Variants in TOGARAM1 observed in about 807,000 individuals in gnomAD.
TOGARAM1 encodes the protein TOG array regulator of axonemal microtubules 1, also known as TOG array regulator of axonemal microtubules protein 1.
A neutral mutation model predicts 166.6 loss-of-function variants in TOGARAM1; 100 were observed. The observed-to-expected ratio is 0.60, with a 90% CI of 0.51 to 0.71. The LOEUF (loss-of-function observed/expected upper bound fraction) is 0.71, where lower values mean the gene tolerates loss of function less well. TOGARAM1 is among the 30% of genes least tolerant of loss of function. The pLI is 0.00. For synonymous variants in TOGARAM1, 758 were observed against 763.8 expected (o/e 0.99, Z 0.13); for missense variants, 2,029 against 2,102.7 (o/e 0.96, Z 0.69).
rs1885213141 is a variant in TOGARAM1, at chr14:44,962,521, G to C, written c.100G>C (p.Asp34His). The C allele has an allele frequency of 5.0e-6, 8 of 1,613,310 alleles. No homozygotes were observed. The highest frequency in any genetic ancestry group is 1.7e-5 in the Admixed American group (1 of 59,962). Residue 34 changes from aspartate to histidine, a missense_variant, in exon 1 of 20, where the codon GAT becomes CAT. Physicochemically the swap from Asp to His is moderately conservative, Grantham distance 81 (BLOSUM62 -1). Transcript: ENST00000361462. ...CAGTCGTCCTTCCGCCCCAGAGACCGATGATAGTCGAGTTGGGGGCATTAT... is the reference window on the plus strand; with the variant it reads ...CAGTCGTCCTTCCGCCCCAGAGACCCATGATAGTCGAGTTGGGGGCATTAT... ...SRSRPSAPET[D>H]DSRVGGIMRG...
rs1157634549 is a variant in TOGARAM1 at position 45,037,051 on chromosome 14, C to T, written c.3812+4675C>T. On this transcript the variant is annotated intron_variant, in intron 11 of 19. Coordinates refer to ENST00000361462, the MANE Select transcript of TOGARAM1 (RefSeq NM_001308120.2). ...TGAGAATAGCATGGGAAAGACTGGC[C>T]CCCATGATTCAGTTACCTCCCTGTG... 2.0e-5 allele frequency among the ~76,000 whole-genome samples: 3 copies of T among 151,012 alleles called. No homozygotes were observed. The South Asian group carries it at 6.2e-4, about 31-fold the overall frequency.
At chr14:45,032,082 G>A in intron 10 of TOGARAM1, 141 bp from the exon 11 acceptor site, 1 of 653,618 alleles carries the variant, frequency 1.5e-6, no homozygotes, top group Non-Finnish European at 2.5e-6. Context: ...ATTGCTTGAA[G>A]CAGGGAAGTG....
rs920345223 is a variant in TOGARAM1 at position 44,962,223 on chromosome 14, G to T, written c.-199G>T. ...CCCTTGGTTACGCCCGGTGGCAGCT[G>T]TGGGGTCTAGGGCTCAGACGGGGGC... is the stretch of plus-strand genomic sequence containing the variant. On this transcript the variant is annotated 5_prime_UTR_variant, in exon 1 of 20. Coordinates refer to ENST00000361462, the MANE Select transcript of TOGARAM1 (RefSeq NM_001308120.2). 5 of 545,150 alleles carry T rather than the reference G, an allele frequency of 9.2e-6. No individual in the cohort carries two copies. The highest frequency in any genetic ancestry group is 1.6e-5 in the Non-Finnish European group (5 of 322,312). 33.8% of individuals were successfully genotyped at this position (545,150 alleles called of 1,614,324 possible).
intron 15 of TOGARAM1, among the ~76,000 whole-genome samples, 165 bp from the exon 16 acceptor site, chr14:45,054,266 C>G (rs1396553397): frequency 6.6e-6 from 1 of 152,260 alleles, no homozygotes; most frequent in East Asian, 1.9e-4. Context: ...TTACTGCTAA[C>G]TACAAGGTGT....
intron 19 of TOGARAM1, among the ~76,000 whole-genome samples, chr14:45,072,860 A>G (rs772823661): frequency 1.3e-5 from 2 of 152,216 alleles, no homozygotes; most frequent in Non-Finnish European, 2.9e-5. Flanking sequence ...AGGAGAAGAA[A>G]AAAAGCCCTT....
intron 3 of TOGARAM1, 38 bp downstream of exon 3, chr14:44,999,535 T>C: frequency 1.4e-5 from 21 of 1,528,626 alleles, no homozygotes; most frequent in Non-Finnish European, 1.8e-5. Flanking sequence ...AAATGACTTA[T>C]AAATATTATG....
chr14:45,061,504 TATG>T (rs1882898873), intron 16 of TOGARAM1, among the ~76,000 whole-genome samples: 1 of 152,222 alleles, frequency 6.6e-6, no homozygotes, highest in African/African-American at 2.4e-5. Flanking sequence ...CACCACTGTG[TATG>T]ATATTAGCTG....
intron 17 of TOGARAM1, among the ~76,000 whole-genome samples, chr14:45,067,350 T>TA (rs1347764915): frequency 6.6e-6 from 1 of 152,122 alleles, no homozygotes; most frequent in African/African-American, 2.4e-5. Flanking sequence ...CAAAGACAGA[T>TA]AAGAGACTTG....
In TOGARAM1 at chr14:44,999,490, A is replaced by G; in HGVS notation, c.2331A>G (p.Gln777=). ...LQFLGTTSSH[Q]EKVYASLNFG... ...TCCTAGGGACAACTAGCAGTCATCA[A>G]GAAAAAGGTATAAGTTCCAAATTTA... Residue 777 remains glutamine (Q), a synonymous_variant, in exon 3 of 20, where the codon CAA becomes CAG. Coordinates refer to ENST00000361462, the MANE Select transcript of TOGARAM1 (RefSeq NM_001308120.2). 6.2e-7 allele frequency: 1 copy of G among 1,603,566 alleles called. No homozygotes were observed. Among genetic ancestry groups the G allele is most frequent in the Non-Finnish European group, 8.5e-7 (1 of 1,174,424 alleles).
chr14:45,050,428 T>G lies in TOGARAM1; in HGVS notation c.4314-2008T>G, dbSNP rs1882305734. 2.0e-5 allele frequency among the ~76,000 whole-genome samples: 3 copies of G among 151,942 alleles called. No individual in the cohort carries two copies. In the South Asian group the frequency reaches 6.2e-4, roughly 32 times the overall value. On this transcript the variant is annotated intron_variant, in intron 14 of 19. Coordinates refer to ENST00000361462, the MANE Select transcript of TOGARAM1 (RefSeq NM_001308120.2). ...TCACCATGCCTGGCTAAGTTTTGTA[T>G]TTTTTGTAGAGATGGGGTGTTGCCA...
At chr14:44,980,675 G>A (rs1184767346) in intron 1 of TOGARAM1, among the ~76,000 whole-genome samples, 1 of 151,958 alleles carries the variant, frequency 6.6e-6, no homozygotes, top group East Asian at 1.9e-4. Flanking sequence ...AGTGAGACTC[G>A]GTCCCCACCC....
At chr14:45,031,064 C>G (rs2138917037) in intron 10 of TOGARAM1, among the ~76,000 whole-genome samples, 1 of 152,272 alleles carries the variant, frequency 6.6e-6, no homozygotes, top group African/African-American at 2.4e-5. Context: ...ATGACCAACT[C>G]TGAATATGTA....
At chr14:45,049,087 G>T (rs923352578) in intron 14 of TOGARAM1, among the ~76,000 whole-genome samples, 13 of 88,432 alleles carry the variant, frequency 1.5e-4, no homozygotes, top group South Asian at 4.2e-4. Flanking sequence ...AAAAAAAAAA[G>T]ACTGAGGTCT....
chr14:45,017,434 C>CACACAT (rs200212636), intron 7 of TOGARAM1, among the ~76,000 whole-genome samples: 3 of 151,384 alleles, frequency 2.0e-5, no homozygotes, highest in African/African-American at 7.3e-5. Flanking sequence ...CACACACACA[C>CACACAT]GTTTTTAGAA....
chr14:45,031,304 C>A (rs1314397280), intron 10 of TOGARAM1, among the ~76,000 whole-genome samples: 1 of 152,180 alleles, frequency 6.6e-6, no homozygotes. Flanking sequence ...ACGTGTCTCG[C>A]ATTATATAGT....
chr14:44,976,740 A>G (rs1361642560), intron 1 of TOGARAM1, among the ~76,000 whole-genome samples: 1 of 152,226 alleles, frequency 6.6e-6, no homozygotes, highest in Non-Finnish European at 1.5e-5. Flanking sequence ...AGCACATGAT[A>G]CTGGGGTTCT....
chr14:45,049,324 G>A lies in TOGARAM1; in HGVS notation c.4313+2621G>A, dbSNP rs893290538. The stretch of plus-strand genomic sequence containing the variant: ...GTCACCCAGGTTGAAGTGCAGTGGC[G>A]CCATCTCGGCTCACTGCAAGCTCCG... On this transcript the variant is annotated intron_variant, in intron 14 of 19. Transcript: ENST00000361462. Among the ~76,000 whole-genome samples, 4 of 151,690 alleles carry A rather than the reference G, an allele frequency of 2.6e-5. 1 individual carries two copies. In the South Asian group the frequency reaches 6.3e-4, roughly 24 times the overall value.
intron 15 of TOGARAM1, among the ~76,000 whole-genome samples, chr14:45,053,092 G>T (rs1255978094): frequency 1.3e-5 from 2 of 148,168 alleles, no homozygotes. Context: ...AGGCTAGAGT[G>T]CAGTGGTGTG....
chr14:45,057,432 AT>A (rs199655641), intron 16 of TOGARAM1, among the ~76,000 whole-genome samples: 7 of 149,450 alleles, frequency 4.7e-5, no homozygotes, highest in Non-Finnish European at 8.9e-5. Context: ...TTTGTTGTTT[AT>A]TTTTTTTTAT....
Sources: gnomAD v4.1 joint callset for allele counts (sites outside exome capture counted in the v4.1 genomes callset) on GRCh38, gnomAD v4.1.1 for gene constraint, MANE v1.5 for transcripts, NCBI Gene and HGNC (gene_info 2026-07-23, HGNC 2026-07-21) for gene names.